Variants in SLC4A4 observed in about 807,000 individuals in gnomAD.
SLC4A4 encodes electrogenic sodium bicarbonate cotransporter 1.
Under a neutral mutation model 111.5 loss-of-function variants are expected in SLC4A4, and 27 were observed. The ratio of observed to expected loss-of-function variants is 0.24; its 90% confidence interval spans 0.18 to 0.33. The LOEUF is 0.33. Among genes scored for constraint, SLC4A4 ranks in the 10% least tolerant of loss-of-function variants. SLC4A4 has a pLI of 1.00. For missense variants in SLC4A4, 909 were observed against 1,315.5 expected (o/e 0.69, Z 4.78); for synonymous variants, 443 against 463.4 (o/e 0.96, Z 0.57).
At chr4:71,335,839 T>A (rs1434375257) in intron 3 of SLC4A4, among the ~76,000 whole-genome samples, 2 of 151,176 alleles carry the variant, frequency 1.3e-5, no homozygotes, top group East Asian at 2.0e-4. Flanking sequence ...AAAAAAAAAA[T>A]TTCTAATCAC....
chr4:71,513,497 AT>A lies in SLC4A4; in HGVS notation c.2166+15812del, dbSNP rs530311226. On this transcript the variant is annotated intron_variant, in intron 16 of 25. Coordinates refer to ENST00000264485, the MANE Select transcript of SLC4A4 (RefSeq NM_001098484.3). ...GATTTTGTATCCTGCAACTGTACTA[AT>A]TTTTTTAATCAAATCTAAGAGATTT... Among the ~76,000 whole-genome samples, 469 of 152,220 alleles carry A rather than the reference AT, an allele frequency of 3.1e-3. 3 individuals are homozygous for A. The highest frequency in any genetic ancestry group is 0.011 in the African/African-American group (455 of 41,542).
intron 6 of SLC4A4, among the ~76,000 whole-genome samples, chr4:71,385,191 A>ATATATATATATTTTTTTTTTTTTTT (rs56949097): frequency 8.4e-5 from 1 of 11,896 alleles, no homozygotes; most frequent in African/African-American, 2.5e-4. Flanking sequence ...ATATATATAT[A>ATATATATATATTTTTTTTTTTTTTT]TTTTTTTTTT....
intron 21 of SLC4A4, among the ~76,000 whole-genome samples, chr4:71,555,758 T>C (rs544812625): frequency 1.3e-5 from 2 of 152,076 alleles, no homozygotes; most frequent in South Asian, 2.1e-4. Flanking sequence ...CATTATCAAC[T>C]GGGCATGGTG....
chr4:71,078,055 T>C (rs1741892591), intron 1 of SLC4A4, among the ~76,000 whole-genome samples: 1 of 152,134 alleles, frequency 6.6e-6, no homozygotes, highest in Non-Finnish European at 1.5e-5. Flanking sequence ...AAGATAGGAT[T>C]CTAGAAACTA....
At chr4:71,376,192 C>T (rs867168286) in intron 6 of SLC4A4, among the ~76,000 whole-genome samples, 1 of 146,534 alleles carries the variant, frequency 6.8e-6, no homozygotes, top group East Asian at 2.0e-4. Context: ...CACACACACA[C>T]ATATATATGT....
chr4:71,152,147 A>G (rs1031149589), intron 2 of SLC4A4, among the ~76,000 whole-genome samples: 10 of 152,178 alleles, frequency 6.6e-5, no homozygotes, highest in African/African-American at 2.4e-4. Flanking sequence ...TCAGCTAGCT[A>G]AAGACCTAGA....
chr4:71,198,803 A>G (rs1247455771), intron 1 of SLC4A4, among the ~76,000 whole-genome samples: 1 of 152,138 alleles, frequency 6.6e-6, no homozygotes, highest in East Asian at 1.9e-4. Context: ...TCTACAAAAT[A>G]AAAAATAATA....
intron 3 of SLC4A4, chr4:71,339,084 C>T: frequency 1.9e-6 from 3 of 1,580,666 alleles, no homozygotes; most frequent in East Asian, 2.2e-5. Context: ...GACCTCAGCT[C>T]ATCTGAGGGC....
chr4:71,221,068 C>T (rs1578617611), intron 1 of SLC4A4, among the ~76,000 whole-genome samples: 1 of 152,326 alleles, frequency 6.6e-6, no homozygotes, highest in South Asian at 2.1e-4. Flanking sequence ...TTCATGGCTG[C>T]ATAGCATTCC....
chr4:71,446,821 T>C (rs993705434), intron 8 of SLC4A4, among the ~76,000 whole-genome samples: 6 of 152,228 alleles, frequency 3.9e-5, no homozygotes, highest in African/African-American at 1.4e-4. Flanking sequence ...TTGTAAATTT[T>C]TTCTTACTCA....
intron 16 of SLC4A4, among the ~76,000 whole-genome samples, chr4:71,499,224 G>A (rs1278219499): frequency 1.3e-5 from 2 of 152,038 alleles, no homozygotes; most frequent in Non-Finnish European, 2.9e-5. Flanking sequence ...TAGAAAAGTG[G>A]AAAATTTGTG....
At chr4:71,276,858 G>A (rs1723106621) in intron 3 of SLC4A4, among the ~76,000 whole-genome samples, 1 of 151,604 alleles carries the variant, frequency 6.6e-6, no homozygotes, top group Admixed American at 6.6e-5. Flanking sequence ...GACCAGCCTG[G>A]GCAATATGGC....
At chr4:71,084,639 G>A (rs1469539208) in intron 1 of SLC4A4, among the ~76,000 whole-genome samples, 1 of 151,928 alleles carries the variant, frequency 6.6e-6, no homozygotes, top group African/African-American at 2.4e-5. Flanking sequence ...CCACCTCTGA[G>A]TAAGAACATG....
At chr4:71,138,624 G>C (rs896281281) in intron 2 of SLC4A4, among the ~76,000 whole-genome samples, 1 of 152,122 alleles carries the variant, frequency 6.6e-6, no homozygotes, top group Non-Finnish European at 1.5e-5. Context: ...TTCTTTTCTG[G>C]ACTGACTGTA....
At chr4:71,066,099 A>G (rs1255710806) in intron 1 of SLC4A4, among the ~76,000 whole-genome samples, 1 of 152,206 alleles carries the variant, frequency 6.6e-6, no homozygotes, top group East Asian at 1.9e-4. Context: ...GCTGTCATTT[A>G]CTGGATGTCT....
chr4:71,507,747 T>C (rs1468301943), intron 16 of SLC4A4, among the ~76,000 whole-genome samples: 25 of 152,208 alleles, frequency 1.6e-4, no homozygotes, highest in Admixed American at 1.6e-3. Flanking sequence ...GTAGACTTGA[T>C]AGATATCTAC....
chr4:71,091,474 C>T (rs1742386740), intron 1 of SLC4A4, among the ~76,000 whole-genome samples: 2 of 151,030 alleles, frequency 1.3e-5, no homozygotes, highest in Non-Finnish European at 1.5e-5. Context: ...ATGGTGGTCT[C>T]GATCTCCTGA....
At chr4:71,148,949 T>C (rs1015373584) in intron 2 of SLC4A4, among the ~76,000 whole-genome samples, 11 of 152,184 alleles carry the variant, frequency 7.2e-5, no homozygotes, top group African/African-American at 2.7e-4. Context: ...TGTCTTTTGG[T>C]CTTTGAGGAA....
At chr4:71,157,916 T>C (rs1194712390) in intron 2 of SLC4A4, among the ~76,000 whole-genome samples, 1 of 152,166 alleles carries the variant, frequency 6.6e-6, no homozygotes, top group Non-Finnish European at 1.5e-5. Context: ...AACACCCACC[T>C]GCCTTAAAGC....
Sources: allele counts gnomAD v4.1 joint callset (sites outside exome capture counted in the v4.1 genomes callset), GRCh38; gene constraint gnomAD v4.1.1; transcripts MANE v1.5; gene names NCBI Gene and HGNC (gene_info 2026-07-23, HGNC 2026-07-21).